PPP3CA: variants seen among roughly 807,000 people sequenced by gnomAD.
PPP3CA encodes CAM-PRP catalytic subunit.
PPP3CA carries 14 observed loss-of-function variants against 66.5 expected under a neutral mutation model. That is an observed-to-expected ratio of 0.21 (90% CI 0.14 to 0.33). The LOEUF is 0.33. Among genes scored for constraint, PPP3CA ranks in the 10% least tolerant of loss-of-function variants. The pLI, the probability that PPP3CA is intolerant of heterozygous loss-of-function variation, is 1.00. For missense variants in PPP3CA, 317 were observed against 639.5 expected (o/e 0.50, Z 5.44); for synonymous variants, 232 against 226.2 (o/e 1.03, Z -0.23).
chr4:101,170,909 G>C (rs561080340), intron 2 of PPP3CA, among the ~76,000 whole-genome samples: 2 of 152,160 alleles, frequency 1.3e-5, no homozygotes, highest in Non-Finnish European at 2.9e-5. Flanking sequence ...CTGCCTTCAA[G>C]GAGCTCGCAT....
intron 10 of PPP3CA, among the ~76,000 whole-genome samples, chr4:101,053,692 C>G (rs1016432682): frequency 6.6e-6 from 1 of 152,064 alleles, no homozygotes; most frequent in Non-Finnish European, 1.5e-5. Context: ...CATCTTTCTC[C>G]TGGAGGTGGT....
Position 101,224,980 on chromosome 4 carries a change from T to C in PPP3CA, c.59-28864A>G, listed in dbSNP as rs144415800. Among the ~76,000 whole-genome samples the C allele has an allele frequency of 7.3e-3, 1,103 of 151,736 alleles. 11 individuals are homozygous for C. The highest frequency in any genetic ancestry group is 0.025 in the African/African-American group (1,054 of 41,432). On this transcript the variant is annotated intron_variant, in intron 1 of 13. Coordinates refer to ENST00000394854, the MANE Select transcript of PPP3CA (RefSeq NM_000944.5). ...TCTGCACCAGTCAACCCAACTCTCC[T>C]CTCCGAAATTCCCAGCAGACACACC...
chr4:101,170,431 G>C lies in PPP3CA; in HGVS notation c.259+25485C>G, dbSNP rs115459751. 4.2e-3 allele frequency among the ~76,000 whole-genome samples: 633 copies of C among 152,174 alleles called. 4 individuals carry two copies. The highest frequency in any genetic ancestry group is 0.015 in the African/African-American group (606 of 41,524). ...AAGCCACAGTTAACTACATAACAGA[G>C]AGCATCAGTCAGAATTTAAAAAGCA... On this transcript the variant is annotated intron_variant, in intron 2 of 13. Transcript: ENST00000394854.
intron 1 of PPP3CA, among the ~76,000 whole-genome samples, chr4:101,313,824 T>C (rs901897338): frequency 7.2e-5 from 11 of 152,198 alleles, no homozygotes; most frequent in Admixed American, 4.6e-4. Context: ...AGATACACAT[T>C]GTTTGGATTT....
chr4:101,130,625 C>T (rs914466023), intron 2 of PPP3CA, among the ~76,000 whole-genome samples: 1 of 152,106 alleles, frequency 6.6e-6, no homozygotes, highest in Admixed American at 6.6e-5. Context: ...GAATTTTCAA[C>T]CCAGAATTTT....
At chr4:101,282,438 C>G (rs943721357) in intron 1 of PPP3CA, among the ~76,000 whole-genome samples, 1 of 152,130 alleles carries the variant, frequency 6.6e-6, no homozygotes, top group African/African-American at 2.4e-5. Context: ...CATGGACTTA[C>G]CTGATAGGTC....
intron 1 of PPP3CA, among the ~76,000 whole-genome samples, chr4:101,206,230 C>G (rs187875299): frequency 4.6e-5 from 7 of 152,308 alleles, no homozygotes; most frequent in Admixed American, 1.3e-4. Context: ...ATGTTCACTC[C>G]CCAAATCATA....
intron 2 of PPP3CA, among the ~76,000 whole-genome samples, chr4:101,161,381 A>C (rs763714444): frequency 5.3e-5 from 8 of 152,192 alleles, no homozygotes; most frequent in Non-Finnish European, 1.0e-4. Flanking sequence ...ATCACTCATG[A>C]ATTATTTCAT....
chr4:101,243,321 G>A (rs1380980736), intron 1 of PPP3CA, among the ~76,000 whole-genome samples: 4 of 152,114 alleles, frequency 2.6e-5, no homozygotes, highest in African/African-American at 9.7e-5. Flanking sequence ...TAAGGATATA[G>A]AACATATTGC....
chr4:101,284,800 A>C (rs1369871249), intron 1 of PPP3CA, among the ~76,000 whole-genome samples: 1 of 152,012 alleles, frequency 6.6e-6, no homozygotes, highest in African/African-American at 2.4e-5. Flanking sequence ...TTTTTGTTTT[A>C]ATTTTTATTT....
At chr4:101,146,363 T>C (rs947690853) in intron 2 of PPP3CA, among the ~76,000 whole-genome samples, 1 of 152,240 alleles carries the variant, frequency 6.6e-6, no homozygotes, top group Non-Finnish European at 1.5e-5. Flanking sequence ...AAAGTCAGTG[T>C]TATCCTATGT....
At chr4:101,189,024 T>C (rs1247348183) in intron 2 of PPP3CA, among the ~76,000 whole-genome samples, 2 of 152,186 alleles carry the variant, frequency 1.3e-5, no homozygotes, top group Non-Finnish European at 2.9e-5. Context: ...CAGATTCTTC[T>C]GTAAGAAACA....
At chr4:101,062,227 A>G (rs1042304961) in intron 9 of PPP3CA, among the ~76,000 whole-genome samples, 7 of 152,066 alleles carry the variant, frequency 4.6e-5, no homozygotes, top group African/African-American at 1.7e-4. Flanking sequence ...GATCAGTGCA[A>G]GAAAGTTGCA....
chr4:101,292,509 GCTTTCA>G (rs1406518238), intron 1 of PPP3CA, among the ~76,000 whole-genome samples: 1 of 152,134 alleles, frequency 6.6e-6, no homozygotes, highest in Admixed American at 6.5e-5. Flanking sequence ...GTCCCACTTT[GCTTTCA>G]CTAACACGAG....
intron 1 of PPP3CA, among the ~76,000 whole-genome samples, chr4:101,217,209 T>A (rs180788754): frequency 6.0e-4 from 91 of 152,170 alleles, no homozygotes; most frequent in Admixed American, 3.3e-4. Context: ...ATATGTGGAT[T>A]TGGGGCCTGA....
intron 1 of PPP3CA, among the ~76,000 whole-genome samples, chr4:101,236,867 C>A (rs772496763): frequency 7.9e-5 from 12 of 151,302 alleles, no homozygotes; most frequent in Non-Finnish European, 1.8e-4. Flanking sequence ...AAATAAGATG[C>A]CTTAAGTCTT....
intron 1 of PPP3CA, among the ~76,000 whole-genome samples, chr4:101,229,410 T>G (rs1725887328): frequency 1.3e-5 from 2 of 151,648 alleles, no homozygotes; most frequent in African/African-American, 2.4e-5. Context: ...ACAAAGAAAG[T>G]GAATATTCTT....
chr4:101,218,791 T>C (rs1477034358), intron 1 of PPP3CA, among the ~76,000 whole-genome samples: 1 of 152,038 alleles, frequency 6.6e-6, no homozygotes, highest in East Asian at 1.9e-4. Flanking sequence ...TAAATGGGTA[T>C]GCAAGAAAAA....
chr4:101,202,140 T>C (rs1420613782), intron 1 of PPP3CA, among the ~76,000 whole-genome samples: 2 of 152,198 alleles, frequency 1.3e-5, no homozygotes, highest in African/African-American at 2.4e-5. Flanking sequence ...TAAGGTTATG[T>C]CTGAATTCTT....
Sources: gnomAD v4.1 joint callset for allele counts (sites outside exome capture counted in the v4.1 genomes callset) on GRCh38, gnomAD v4.1.1 for gene constraint, MANE v1.5 for transcripts, NCBI Gene and HGNC (gene_info 2026-07-23, HGNC 2026-07-21) for gene names.